The following PIR variants were observed in gnomAD, a reference collection of about 807,000 sequenced individuals.
The protein encoded by PIR is pirin.
In PIR, 22 loss-of-function variants were observed where a neutral mutation model predicts 24.2. That is an observed-to-expected ratio of 0.91 (90% CI 0.65 to 1.30). The LOEUF is 1.30. Among genes scored for constraint, PIR ranks in the 50% most tolerant of loss-of-function variants. The probability of loss-of-function intolerance (pLI) is 0.00; values close to 1 mark genes in which losing one functional copy is unlikely to be tolerated. For synonymous variants in PIR, 80 were observed against 79.6 expected (o/e 1.00, Z -0.03); for missense variants, 220 against 220.3 (o/e 1.00, Z 0.01).
chrX:15,456,247 G>A (rs1301440254), intron 4 of PIR, among the ~76,000 whole-genome samples, 193 bp from the exon 5 acceptor site: 1 of 112,307 alleles, frequency 8.9e-6, no homozygotes, highest in Non-Finnish European at 1.9e-5. Flanking sequence ...TGCTTCCTGT[G>A]CTTCCTCACT....
chrX:15,491,284 G>C lies in PIR; in HGVS notation c.-27C>G. ...TCGGAGTCTAAAAAGAGAGTGTTCT[G>C]ATGCTGAGCTGTAGAGGATGGAGGG... On this transcript the variant is annotated 5_prime_UTR_variant, in exon 2 of 10. The change creates a new upstream start codon in the 5' untranslated region. Transcript: ENST00000380420. 1 of 1,025,286 alleles carries C rather than the reference G, an allele frequency of 9.8e-7. No homozygotes were observed. The highest frequency in any genetic ancestry group is 1.4e-6 in the Non-Finnish European group (1 of 733,589). The allele number at this position is 1,025,286 out of a possible 1,213,427, so 84.5% of individuals were successfully genotyped here.
At chrX:15,473,877 C>A (rs1398861515) in intron 3 of PIR, among the ~76,000 whole-genome samples, 1 of 112,679 alleles carries the variant, frequency 8.9e-6, no homozygotes, top group East Asian at 2.8e-4. Context: ...TTTTTAAAAA[C>A]TGTACCAGAA....
At chrX:15,395,063 G>C (rs1296778984) in intron 8 of PIR, among the ~76,000 whole-genome samples, 6 of 111,858 alleles carry the variant, frequency 5.4e-5, no homozygotes, top group African/African-American at 1.9e-4. Context: ...CAGTTTAGTG[G>C]AAATGGGATT....
chrX:15,410,066 C>T (rs989839902), intron 6 of PIR, among the ~76,000 whole-genome samples: 3 of 111,006 alleles, frequency 2.7e-5, no homozygotes, highest in African/African-American at 9.9e-5. Context: ...GCCTGGCCAA[C>T]ATGGTGAAAC....
At chrX:15,486,119 C>G (rs1019220078) in intron 2 of PIR, among the ~76,000 whole-genome samples, 4 of 107,772 alleles carry the variant, frequency 3.7e-5, no homozygotes, top group Non-Finnish European at 7.7e-5. Context: ...TTTGGGAGGC[C>G]GAGGCAGATG....
chrX:15,480,617 G>T (rs1922452384), intron 2 of PIR, among the ~76,000 whole-genome samples: 1 of 111,821 alleles, frequency 8.9e-6, no homozygotes, highest in Admixed American at 9.6e-5. Context: ...AGAAAACTCA[G>T]GAATATGGCA....
chrX:15,492,553 G>T (rs6629105), intron 1 of PIR, among the ~76,000 whole-genome samples: 25,951 of 110,873 alleles, frequency 0.23, 2,425 homozygotes, highest in East Asian at 0.54. Context: ...CTACTGAAAC[G>T]AAGAGAGGTG....
At chrX:15,470,194 A>G (rs751861095) in intron 3 of PIR, among the ~76,000 whole-genome samples, 10 of 111,766 alleles carry the variant, frequency 8.9e-5, no homozygotes, top group Admixed American at 7.6e-4. Context: ...GCCTCCCTGA[A>G]CCTTAGTTTC....
At chrX:15,429,594 C>G (rs949171969) in intron 5 of PIR, 1 of 112,217 alleles carries the variant, frequency 8.9e-6, no homozygotes, top group South Asian at 3.7e-4. Context: ...CGGTGGCTCA[C>G]GCCTGTAATC....
Position 15,459,690 on chromosome X carries a change from T to C in PIR, c.240A>G (p.Gly80=), listed in dbSNP as rs778749678. Residue 80 remains glycine (G), a synonymous_variant, in exon 4 of 10, where the codon GGA becomes GGG. Transcript: ENST00000380420. Reference sequence around the variant, plus strand: ...CTCCTGGGTTCATTTTACCAGTGTGTCCACAGAAGTCTTCATGGGCCATGC... The same window carrying C: ...CTCCTGGGTTCATTTTACCAGTGTGCCCACAGAAGTCTTCATGGGCCATGC... ...GGSMAHEDFC[G]HTGKMNPGDL... The C allele has an allele frequency of 1.2e-5, 14 of 1,196,221 alleles. No individual in the cohort carries two copies. The highest frequency in any genetic ancestry group is 1.6e-5 in the Non-Finnish European group (14 of 881,658).
At chrX:15,486,280 CAG>C (rs1433129684) in intron 2 of PIR, among the ~76,000 whole-genome samples, 1 of 37,700 alleles carries the variant, frequency 2.7e-5, no homozygotes, top group Non-Finnish European at 4.3e-5. Flanking sequence ...CCGAGGGAGA[CAG>C]AGTGAGACTC....
intron 2 of PIR, among the ~76,000 whole-genome samples, chrX:15,488,278 C>CAAAAAAAAAAAAAAA (rs1184870069): frequency 3.1e-5 from 1 of 31,860 alleles, no homozygotes. Flanking sequence ...AACTCCGTCT[C>CAAAAAAAAAAAAAAA]AAAAAAAAAA....
At chrX:15,415,079 C>CT (rs1466319138) in intron 6 of PIR, among the ~76,000 whole-genome samples, 1 of 111,496 alleles carries the variant, frequency 9.0e-6, no homozygotes, top group Non-Finnish European at 1.9e-5. Context: ...TAATAGAGTA[C>CT]TGTTCACTAA....
intron 4 of PIR, 115 bp from the exon 5 acceptor site, chrX:15,456,169 G>A: frequency 3.2e-6 from 2 of 615,482 alleles, no homozygotes; most frequent in South Asian, 2.6e-5. Flanking sequence ...TGCTATCAGA[G>A]CCCCTGGGCA....
chrX:15,483,974 GT>G, intron 2 of PIR, among the ~76,000 whole-genome samples: 1 of 112,376 alleles, frequency 8.9e-6, no homozygotes, highest in Non-Finnish European at 1.9e-5. Flanking sequence ...AATACTTATT[GT>G]TTCTTTGTAT....
At position 15,492,448 on chromosome X, in the gene PIR, T is replaced by G. The variant is rs190208998; in HGVS notation, c.-53+742A>C. ...ATGGACTATCCCAGAAGGAATATAA[T>G]CTATCCCTATTCCACTTCAAGTGTT... On this transcript the variant is annotated intron_variant, in intron 1 of 9. Coordinates refer to ENST00000380420, the MANE Select transcript of PIR (RefSeq NM_001018109.3). Among the ~76,000 whole-genome samples, 212 of 112,194 alleles carry G rather than the reference T, an allele frequency of 1.9e-3. 1 individual carries two copies. The highest frequency in any genetic ancestry group is 6.7e-3 in the African/African-American group (206 of 30,868).
chrX:15,435,732 G>A (rs994793998), intron 5 of PIR, among the ~76,000 whole-genome samples: 3 of 112,167 alleles, frequency 2.7e-5, no homozygotes, highest in Non-Finnish European at 5.6e-5. Context: ...GAGACTCACT[G>A]CCAGATCCCA....
intron 6 of PIR, among the ~76,000 whole-genome samples, chrX:15,407,906 T>G (rs1391040460): frequency 8.9e-6 from 1 of 112,225 alleles, no homozygotes; most frequent in African/African-American, 3.2e-5. Flanking sequence ...ACTGCAACAC[T>G]CCAGTCTGGC....
At position 15,434,615 on chromosome X, in the gene PIR, C is replaced by T. The variant is rs780516648; in HGVS notation, c.481-8625G>A. ...GGACAGTGGAGATGAAATGTGCAGACACATCTTCAGTGATGTGTGACTGTG... is the reference window on the plus strand; with the variant it reads ...GGACAGTGGAGATGAAATGTGCAGATACATCTTCAGTGATGTGTGACTGTG... On this transcript the variant is annotated intron_variant, in intron 5 of 9. Coordinates refer to ENST00000380420, the MANE Select transcript of PIR (RefSeq NM_001018109.3). 2.7e-5 allele frequency among the ~76,000 whole-genome samples: 3 copies of T among 109,958 alleles called. No homozygotes were observed. In the East Asian group the frequency reaches 8.7e-4, roughly 32 times the overall value.
Sources: gnomAD v4.1 joint callset for allele counts (sites outside exome capture counted in the v4.1 genomes callset) on GRCh38, gnomAD v4.1.1 for gene constraint, MANE v1.5 for transcripts, NCBI Gene and HGNC (gene_info 2026-07-23, HGNC 2026-07-21) for gene names.